CTNND2: variants seen among roughly 807,000 people sequenced by gnomAD.
CTNND2 encodes the protein catenin delta 2.
CTNND2 carries 22 observed loss-of-function variants against 144.4 expected under a neutral mutation model. The ratio of observed to expected loss-of-function variants is 0.15; its 90% CI spans 0.11 to 0.22. The LOEUF is 0.22. Ranked by LOEUF, CTNND2 falls within the 10% of genes least tolerant of loss-of-function variation. The probability of loss-of-function intolerance (pLI) is 1.00; values close to 1 mark genes in which losing one functional copy is unlikely to be tolerated. For synonymous variants in CTNND2, 751 were observed against 695.6 expected, an observed-to-expected ratio of 1.08 and a Z score of -1.25; for missense variants, 1,353 against 1,618.8, an observed-to-expected ratio of 0.84 and a Z score of 2.82.
intron 8 of CTNND2, among the ~76,000 whole-genome samples, chr5:11,351,137 AT>A (rs976166241): frequency 1.2e-4 from 18 of 152,164 alleles, no homozygotes; most frequent in African/African-American, 2.2e-4. Context: ...CCTTTAATAC[AT>A]TTTTTTCCCT....
At chr5:11,824,437 C>T (rs1008831008) in intron 1 of CTNND2, among the ~76,000 whole-genome samples, 1 of 152,132 alleles carries the variant, frequency 6.6e-6, no homozygotes, top group Non-Finnish European at 1.5e-5. Context: ...AGTGTCCCTT[C>T]AGGAGGGAGA....
chr5:11,446,879 T>C (rs1561407394), intron 3 of CTNND2, among the ~76,000 whole-genome samples: 2 of 151,232 alleles, frequency 1.3e-5, no homozygotes, highest in African/African-American at 2.4e-5. Context: ...AGCAGGGGAG[T>C]GTTGGTGTTG....
At chr5:11,482,315 T>C (rs928131136) in intron 3 of CTNND2, among the ~76,000 whole-genome samples, 1 of 152,102 alleles carries the variant, frequency 6.6e-6, no homozygotes, top group Non-Finnish European at 1.5e-5. Flanking sequence ...CCTGGTGAAA[T>C]GCCCTCCACC....
At chr5:11,218,650 C>A (rs957639767) in intron 10 of CTNND2, among the ~76,000 whole-genome samples, 1 of 152,178 alleles carries the variant, frequency 6.6e-6, no homozygotes, top group Non-Finnish European at 1.5e-5. Context: ...GCTTGAACTA[C>A]GTTGAATACT....
intron 9 of CTNND2, among the ~76,000 whole-genome samples, chr5:11,290,457 CA>C (rs1168791470): frequency 6.6e-6 from 1 of 152,146 alleles, no homozygotes; most frequent in Non-Finnish European, 1.5e-5. Flanking sequence ...AGCCTTTGAC[CA>C]TTTCTACCTC....
At chr5:11,023,750 T>C (rs949144711) in intron 16 of CTNND2, among the ~76,000 whole-genome samples, 3 of 152,254 alleles carry the variant, frequency 2.0e-5, no homozygotes, top group Non-Finnish European at 2.9e-5. Context: ...CACTTTAACA[T>C]TATTAATCTT....
At chr5:11,447,991 T>C (rs908038946) in intron 3 of CTNND2, among the ~76,000 whole-genome samples, 1 of 152,162 alleles carries the variant, frequency 6.6e-6, no homozygotes, top group African/African-American at 2.4e-5. Flanking sequence ...TTATAGAAAC[T>C]CGGAGTTGAA....
At chr5:11,807,398 C>T (rs1431193295) in intron 1 of CTNND2, among the ~76,000 whole-genome samples, 2 of 152,166 alleles carry the variant, frequency 1.3e-5, no homozygotes, top group Admixed American at 6.6e-5. Context: ...TTGGTACGTA[C>T]ATCATAACTC....
intron 2 of CTNND2, among the ~76,000 whole-genome samples, chr5:11,687,382 A>G (rs769010779): frequency 2.0e-5 from 3 of 152,178 alleles, no homozygotes; most frequent in Non-Finnish European, 2.9e-5. Context: ...CCAGGGCCCC[A>G]GATAAAGCAT....
chr5:11,181,040 G>T (rs2149799073), intron 11 of CTNND2, among the ~76,000 whole-genome samples: 1 of 152,292 alleles, frequency 6.6e-6, no homozygotes, highest in Middle Eastern at 3.4e-3. Context: ...AGGCAGGCTG[G>T]GCAGAGGCTG....
intron 9 of CTNND2, among the ~76,000 whole-genome samples, chr5:11,289,051 G>A (rs1208102148): frequency 1.3e-5 from 2 of 152,066 alleles, no homozygotes; most frequent in Admixed American, 1.3e-4. Context: ...GCTCTGATGT[G>A]GCCATCTCCC....
chr5:11,270,252 C>A (rs964983927), intron 9 of CTNND2, among the ~76,000 whole-genome samples: 1 of 151,824 alleles, frequency 6.6e-6, no homozygotes, highest in Non-Finnish European at 1.5e-5. Context: ...AGTTCTAACA[C>A]GTAACACACA....
At chr5:11,851,760 A>G (rs1377348768) in intron 1 of CTNND2, among the ~76,000 whole-genome samples, 2 of 152,240 alleles carry the variant, frequency 1.3e-5, no homozygotes, top group African/African-American at 2.4e-5. Flanking sequence ...TGGTAAACAC[A>G]GTATGTTTCA....
intron 11 of CTNND2, among the ~76,000 whole-genome samples, chr5:11,191,101 G>T (rs1360668790): frequency 6.6e-6 from 1 of 152,156 alleles, no homozygotes; most frequent in Admixed American, 6.5e-5. Context: ...ATTTCTCAGG[G>T]CCTAGAGCAG....
rs1581952415 is a variant in CTNND2, at chr5:11,821,504, A to C, written c.37+82313T>G. On this transcript the variant is annotated intron_variant, in intron 1 of 21. Coordinates refer to ENST00000304623, the MANE Select transcript of CTNND2 (RefSeq NM_001332.4). ...ATAAAATGTTGGGAAATTTATTTCA[A>C]ATCCTTCATGAAGAATAAAATAGCA... Among the ~76,000 whole-genome samples, 3 of 152,188 alleles carry C rather than the reference A, an allele frequency of 2.0e-5. No homozygotes were observed. In the South Asian group the frequency reaches 6.2e-4, roughly 32 times the overall value.
chr5:11,243,728 C>T (rs1440528811), intron 9 of CTNND2, among the ~76,000 whole-genome samples: 1 of 152,162 alleles, frequency 6.6e-6, no homozygotes, highest in Non-Finnish European at 1.5e-5. Flanking sequence ...GCTAAACAGC[C>T]AACAGTTCAT....
intron 18 of CTNND2, among the ~76,000 whole-genome samples, chr5:11,010,453 T>G (rs1382350778): frequency 6.6e-6 from 1 of 152,218 alleles, no homozygotes; most frequent in Non-Finnish European, 1.5e-5. Context: ...CAAAGTATCT[T>G]TCTAATTCTC....
Position 11,904,065 on chromosome 5 carries a change from G to T in CTNND2, c.-212C>A. On this transcript the variant is annotated 5_prime_UTR_variant, in exon 1 of 22. Transcript: ENST00000304623. The surrounding 1 kb of genome is among the most constrained non-coding windows in gnomAD (Gnocchi z 4.2). ...ACGCGAGTGCGCAGCGCCCGGCCCG[G>T]CGGCCCCTCCGAGCTCGGCGAGCGC... 3.3e-6 allele frequency: 1 copy of T among 299,024 alleles called. No homozygotes were observed. Among genetic ancestry groups the T allele is most frequent in the Non-Finnish European group, 5.5e-6 (1 of 181,704 alleles). The allele number at this position is 299,024 out of a possible 1,614,324, so 18.5% of individuals were successfully genotyped here.
In CTNND2 at chr5:10,975,625, G is replaced by A. The variant is rs61752732; in HGVS notation, c.3418-1912C>T. Among the ~76,000 whole-genome samples the A allele has an allele frequency of 5.7e-3, 871 of 152,302 alleles. 9 individuals are homozygous for A. The highest frequency in any genetic ancestry group is 0.019 in the African/African-American group (798 of 41,552). Reference sequence around the variant, plus strand: ...TCTAAAACCCAGGTGTTCTACCAACGTAGTCCAGTCCCATCAGAGCCAAGG... The same window carrying A: ...TCTAAAACCCAGGTGTTCTACCAACATAGTCCAGTCCCATCAGAGCCAAGG... On this transcript the variant is annotated intron_variant, in intron 21 of 21. Coordinates refer to ENST00000304623, the MANE Select transcript of CTNND2 (RefSeq NM_001332.4).
Sources: allele counts gnomAD v4.1 joint callset (sites outside exome capture counted in the v4.1 genomes callset), GRCh38; gene constraint gnomAD v4.1.1; non-coding constraint Gnocchi (gnomAD v3.1); transcripts MANE v1.5; gene names NCBI Gene and HGNC (gene_info 2026-07-23, HGNC 2026-07-21).